PRKCH: variants seen among roughly 807,000 people sequenced by gnomAD.
The protein encoded by PRKCH is protein kinase C eta type.
PRKCH carries 28 observed loss-of-function variants against 82.5 expected under a neutral mutation model. That is an observed-to-expected ratio of 0.34 (90% CI 0.25 to 0.47). The LOEUF is 0.47. Ranked by LOEUF, PRKCH falls within the 20% of genes least tolerant of loss-of-function variation. The probability of loss-of-function intolerance (pLI) is 1.00; values close to 1 mark genes in which losing one functional copy is unlikely to be tolerated. For missense variants in PRKCH, 705 were observed against 881.8 expected, an observed-to-expected ratio of 0.80 and a Z score of 2.54; for synonymous variants, 322 against 327.4, an observed-to-expected ratio of 0.98 and a Z score of 0.18.
At chr14:61,542,297 A>C (rs965697213) in intron 12 of PRKCH, among the ~76,000 whole-genome samples, 12 of 152,132 alleles carry the variant, frequency 7.9e-5, no homozygotes, top group East Asian at 1.9e-4. Flanking sequence ...CATATCAAAA[A>C]AAAACAAAAC....
At chr14:61,465,212 A>C (rs1334197247) in intron 9 of PRKCH, among the ~76,000 whole-genome samples, 1 of 152,216 alleles carries the variant, frequency 6.6e-6, no homozygotes, top group African/African-American at 2.4e-5. Flanking sequence ...ACTTTGCAGA[A>C]GCTTTTTAGT....
intron 1 of PRKCH, among the ~76,000 whole-genome samples, chr14:61,343,003 C>G (rs979605289): frequency 1.3e-5 from 2 of 152,214 alleles, no homozygotes; most frequent in African/African-American, 2.4e-5. Flanking sequence ...CTTTCAGTTT[C>G]TCCATGGATC....
chr14:61,278,688 G>A (rs2045225816), intron 1 of PRKCH: 1 of 152,070 alleles, frequency 6.6e-6, no homozygotes, highest in Admixed American at 6.6e-5. Context: ...AGGGTTTTAA[G>A]TTATTTTGCT....
At chr14:61,346,470 A>G (rs960727581) in intron 1 of PRKCH, among the ~76,000 whole-genome samples, 1 of 152,200 alleles carries the variant, frequency 6.6e-6, no homozygotes, top group African/African-American at 2.4e-5. Context: ...TGTGGCCTAC[A>G]CCAATGGTCT....
At chr14:61,510,855 A>G (rs1366282286) in intron 10 of PRKCH, among the ~76,000 whole-genome samples, 1 of 152,058 alleles carries the variant, frequency 6.6e-6, no homozygotes, top group Admixed American at 6.5e-5. Flanking sequence ...TGGCAGTCAG[A>G]TGTCTTGAGA....
chr14:61,485,659 G>A lies in PRKCH; in HGVS notation c.1433+3G>A. 1 of 1,611,050 alleles carries A rather than the reference G, an allele frequency of 6.2e-7. No individual in the cohort carries two copies. Among genetic ancestry groups the A allele is most frequent in the Non-Finnish European group, 8.5e-7 (1 of 1,177,844 alleles). On this transcript the variant is annotated splice_donor_region_variant and intron_variant, in intron 10 of 13. Coordinates refer to ENST00000332981, the MANE Select transcript of PRKCH (RefSeq NM_006255.5). ...CATGATAAAGGAATCATCTATAGGT[G>A]AGTTTTGGTTGCTGCCCTGTCTTCT...
chr14:61,531,793 A>G (rs2043046559), intron 12 of PRKCH, among the ~76,000 whole-genome samples: 1 of 152,198 alleles, frequency 6.6e-6, no homozygotes, highest in Non-Finnish European at 1.5e-5. Flanking sequence ...CCTATCTAAC[A>G]TGTTTTTGTA....
intron 1 of PRKCH, chr14:61,298,566 AC>A (rs2140102644): frequency 6.6e-6 from 1 of 152,334 alleles, no homozygotes; most frequent in East Asian, 1.9e-4. Flanking sequence ...TTTACAAATT[AC>A]AAATTATCTG....
intron 2 of PRKCH, among the ~76,000 whole-genome samples, chr14:61,402,115 G>T (rs956110134): frequency 6.6e-6 from 1 of 152,144 alleles, no homozygotes; most frequent in African/African-American, 2.4e-5. Flanking sequence ...TGTTATTAAC[G>T]ATTGTAATTT....
At position 61,550,803 on chromosome 14, in the gene PRKCH, A is replaced by G. The variant is rs2043315413; in HGVS notation, c.*972A>G. The G allele has an allele frequency of 6.6e-6, 1 of 152,200 alleles. No individual in the cohort carries two copies. The highest frequency in any genetic ancestry group is 6.5e-5 in the Admixed American group (1 of 15,286). The allele number at this position is 152,200 out of a possible 1,614,324, so 9.4% of individuals were successfully genotyped here. A position where few individuals can be genotyped will look rare whatever the true frequency, so the allele number is the denominator to read the frequency against. On this transcript the variant is annotated 3_prime_UTR_variant, in exon 14 of 14. Transcript: ENST00000332981. ...GTGACCAGATTTGTGGCTTATAAAC[A>G]TTAGCAGTTTATTTATGTTTTAAGA...
intron 1 of PRKCH, among the ~76,000 whole-genome samples, chr14:61,227,601 GATAAATAA>G (rs10638537): frequency 2.6e-5 from 4 of 151,310 alleles, no homozygotes; most frequent in Admixed American, 2.6e-4. Flanking sequence ...TCAAAAAATA[GATAAATAA>G]ATAAATAAAT....
chr14:61,418,387 A>G (rs1328323510), intron 2 of PRKCH, among the ~76,000 whole-genome samples: 1 of 152,246 alleles, frequency 6.6e-6, no homozygotes, highest in Non-Finnish European at 1.5e-5. Flanking sequence ...AATAAATTTT[A>G]GCACGATGTG....
Position 61,350,096 on chromosome 14 carries a change from T to C in PRKCH, c.363+27632T>C, listed in dbSNP as rs186470316. 3.0e-3 allele frequency among the ~76,000 whole-genome samples: 462 copies of C among 152,240 alleles called. 3 individuals are homozygous for C. The highest frequency in any genetic ancestry group is 0.011 in the African/African-American group (436 of 41,504). On this transcript the variant is annotated intron_variant, in intron 1 of 13. Coordinates refer to ENST00000332981, the MANE Select transcript of PRKCH (RefSeq NM_006255.5). Reference sequence around the variant, plus strand: ...GGAAGGTGCTACAGGAATGTGGAGCTGGGAAAATAACCATCATTTATATAG... The same window carrying C: ...GGAAGGTGCTACAGGAATGTGGAGCCGGGAAAATAACCATCATTTATATAG...
chr14:61,420,599 CTG>C (rs1882786468), intron 2 of PRKCH, among the ~76,000 whole-genome samples: 3 of 152,188 alleles, frequency 2.0e-5, no homozygotes, highest in Admixed American at 2.0e-4. Flanking sequence ...AGGACTCTCT[CTG>C]TGTTTTGTTT....
intron 10 of PRKCH, among the ~76,000 whole-genome samples, chr14:61,503,981 C>A (rs1422995560): frequency 6.6e-6 from 1 of 152,090 alleles, no homozygotes; most frequent in African/African-American, 2.4e-5. Flanking sequence ...AAAAACTCAT[C>A]AGAGTTCAAG....
Position 61,530,478 on chromosome 14 carries a change from C to G in PRKCH, c.1644C>G (p.Leu548=). The change falls in exon 12 of 14, where the codon CTC becomes CTG. Residue 548 remains leucine, a synonymous_variant. Coordinates refer to ENST00000332981, the MANE Select transcript of PRKCH (RefSeq NM_006255.5). ...TGGGCGTGTTGCTCTATGAGATGCT[C>G]TGTGGTCACGCGCCTTTTGAGGCAG... ...WAMGVLLYEM[L]CGHAPFEAEN... 2 of 1,612,492 alleles carry G rather than the reference C, an allele frequency of 1.2e-6. No homozygotes were observed. Among genetic ancestry groups the G allele is most frequent in the African/African-American group, 1.3e-5 (1 of 75,040 alleles).
chr14:61,434,938 A>G (rs1045102660), intron 2 of PRKCH, among the ~76,000 whole-genome samples: 1 of 152,242 alleles, frequency 6.6e-6, no homozygotes, highest in African/African-American at 2.4e-5. Flanking sequence ...TAAATACATT[A>G]CTATAGCAGA....
intron 10 of PRKCH, among the ~76,000 whole-genome samples, chr14:61,508,588 A>G (rs918893871): frequency 6.6e-6 from 1 of 152,118 alleles, no homozygotes; most frequent in Non-Finnish European, 1.5e-5. Flanking sequence ...AGGAGGATGT[A>G]TAAAGTCCAC....
chr14:61,207,373 G>A (rs1301337473), intron 1 of PRKCH, among the ~76,000 whole-genome samples: 1 of 152,058 alleles, frequency 6.6e-6, no homozygotes, highest in African/African-American at 2.4e-5. Flanking sequence ...CCTTGTGCAT[G>A]TCTGGATTGG....
Sources: gnomAD v4.1 joint callset for allele counts (sites outside exome capture counted in the v4.1 genomes callset) on GRCh38, gnomAD v4.1.1 for gene constraint, MANE v1.5 for transcripts, NCBI Gene and HGNC (gene_info 2026-07-23, HGNC 2026-07-21) for gene names.